Variants in SEL1L3 observed in about 807,000 individuals in gnomAD.
The protein encoded by SEL1L3 is SEL1L family member 3.
SEL1L3 carries 76 observed loss-of-function variants against 142.8 expected under a neutral mutation model. The observed-to-expected ratio is 0.53, with a 90% confidence interval of 0.44 to 0.64. The LOEUF (loss-of-function observed/expected upper bound fraction) is 0.64. SEL1L3 is among the 30% of genes least tolerant of loss of function. SEL1L3 has a pLI of 0.00. For synonymous variants in SEL1L3, 504 were observed against 519.6 expected (o/e 0.97, Z 0.41); for missense variants, 1,262 against 1,381.7 (o/e 0.91, Z 1.37).
chr4:25,766,153 TATCG>T lies in SEL1L3; in HGVS notation c.2846-722_2846-719del, dbSNP rs1159116635. Among the ~76,000 whole-genome samples the T allele has an allele frequency of 1.7e-4, 26 of 152,336 alleles. No homozygotes were observed. In the East Asian group the frequency reaches 4.8e-3, roughly 28 times the overall value. The stretch of plus-strand genomic sequence containing the variant: ...AAAAACTTGTGTTTAAGAGTATATG[TATCG>T]GCTGAGTGCCGTAGCTCACACCTGT... On this transcript the variant is annotated intron_variant, in intron 19 of 23. Transcript: ENST00000399878.
chr4:25,714,880 A>C, the SEL1L3 span, among the ~76,000 whole-genome samples: 4 of 152,242 alleles, frequency 2.6e-5, no homozygotes, highest in African/African-American at 9.6e-5. Context: ...CCAAGAATGC[A>C]AAATATTACA....
chr4:25,862,556 GAAGA>G (rs1560369202), intron 1 of SEL1L3, 115 bp downstream of exon 1: 4 of 475,222 alleles, frequency 8.4e-6, no homozygotes, highest in Non-Finnish European at 1.3e-5. Context: ...CAGCGACGAG[GAAGA>G]GAGAAAACTA....
chr4:25,827,854 C>CTTTTTTTTTTTTTTTTTTTTTT, intron 6 of SEL1L3, among the ~76,000 whole-genome samples: 1 of 152,162 alleles, frequency 6.6e-6, no homozygotes, highest in Admixed American at 6.5e-5. Context: ...AGAGGAAGCT[C>CTTTTTTTTTTTTTTTTTTTTTT]TTATTTTAAA....
chr4:25,734,942 A>C, the SEL1L3 span, among the ~76,000 whole-genome samples: 3 of 152,068 alleles, frequency 2.0e-5, no homozygotes, highest in Admixed American at 2.0e-4. Flanking sequence ...TCTGATTTTG[A>C]CATTAAGGTA....
chr4:25,838,212 C>T (rs2109294839), intron 2 of SEL1L3, among the ~76,000 whole-genome samples: 1 of 152,298 alleles, frequency 6.6e-6, no homozygotes, highest in African/African-American at 2.4e-5. Context: ...CCTTTCCCCA[C>T]ATTCATTTCT....
At chr4:25,839,687 T>C (rs1232536871) in intron 2 of SEL1L3, among the ~76,000 whole-genome samples, 1 of 152,256 alleles carries the variant, frequency 6.6e-6, no homozygotes. Flanking sequence ...AATTTACTTC[T>C]GGGAAAAGGA....
chr4:25,862,493 G>A (rs138583746), intron 1 of SEL1L3, among the ~76,000 whole-genome samples, 182 bp downstream of exon 1: 390 of 152,232 alleles, frequency 2.6e-3, no homozygotes, highest in Admixed American at 7.0e-3. Flanking sequence ...CGGTCCAAGC[G>A]CCCCTCTCCA....
chr4:25,779,079 A>G lies in SEL1L3; in HGVS notation c.2582T>C (p.Val861Ala). Residue 861 changes from valine (V) to alanine (A), a missense_variant, in exon 16 of 24, where the codon GTT becomes GCT. Val to Ala is a moderately conservative substitution (Grantham distance 64). Transcript: ENST00000399878. ...ETFPRDPEKA[V>A]VWAKHVAEKN... ...GCAACGTTTGACAGAGTCTTACACAACAGCTTTCTCAGGATCTCTAGGGAA... is the reference window on the plus strand; with the variant it reads ...GCAACGTTTGACAGAGTCTTACACAGCAGCTTTCTCAGGATCTCTAGGGAA... The G allele has an allele frequency of 1.2e-6, 2 of 1,613,514 alleles. No individual in the cohort carries two copies. Among genetic ancestry groups the G allele is most frequent in the Non-Finnish European group, 1.7e-6 (2 of 1,179,568 alleles).
intron 20 of SEL1L3, 137 bp downstream of exon 20, chr4:25,765,189 T>C: frequency 6.3e-6 from 4 of 636,034 alleles, no homozygotes. Flanking sequence ...AGATGGGGTT[T>C]CGCCATGTTG....
At chr4:25,748,674 G>T in intron 23 of SEL1L3, 110 bp from the exon 24 acceptor site, 1 of 1,148,956 alleles carries the variant, frequency 8.7e-7, no homozygotes, top group Non-Finnish European at 1.2e-6. Flanking sequence ...CTAGTCTAAT[G>T]AACCTGACAC....
the SEL1L3 span, among the ~76,000 whole-genome samples, chr4:25,740,661 T>C: frequency 1.3e-5 from 2 of 152,186 alleles, no homozygotes; most frequent in African/African-American, 2.4e-5. Context: ...TTCTGACCCC[T>C]AAATGCTTTA....
intron 9 of SEL1L3, among the ~76,000 whole-genome samples, chr4:25,812,635 C>A (rs946165495): frequency 1.3e-5 from 2 of 151,542 alleles, no homozygotes; most frequent in Non-Finnish European, 2.9e-5. Context: ...TAGCTTGAAC[C>A]CGGGAGGCAG....
the SEL1L3 span, among the ~76,000 whole-genome samples, chr4:25,727,068 T>G: frequency 8.0e-6 from 1 of 124,654 alleles, no homozygotes; most frequent in Non-Finnish European, 1.7e-5. Context: ...TCTTTTTTTT[T>G]TTGAGACGGA....
chr4:25,849,095 C>T (rs1716723785), intron 1 of SEL1L3, among the ~76,000 whole-genome samples: 1 of 152,190 alleles, frequency 6.6e-6, no homozygotes, highest in Non-Finnish European at 1.5e-5. Flanking sequence ...GCCAAGATCA[C>T]ACCACTGCAC....
intron 9 of SEL1L3, among the ~76,000 whole-genome samples, chr4:25,813,532 G>A (rs1488034285): frequency 1.3e-5 from 2 of 152,164 alleles, no homozygotes; most frequent in African/African-American, 4.8e-5. Context: ...GAAATAAAAA[G>A]CAGGATGACG....
intron 1 of SEL1L3, among the ~76,000 whole-genome samples, chr4:25,851,524 T>C (rs1455345968): frequency 6.6e-6 from 1 of 152,128 alleles, no homozygotes; most frequent in African/African-American, 2.4e-5. Context: ...GCACTGTATA[T>C]CCTTCCCTAA....
intron 5 of SEL1L3, among the ~76,000 whole-genome samples, chr4:25,830,887 G>A (rs1715397540): frequency 6.6e-6 from 1 of 152,296 alleles, no homozygotes; most frequent in East Asian, 1.9e-4. Context: ...CACGCCAGTT[G>A]TTTGCCTAAA....
Position 25,788,398 on chromosome 4 carries a change from T to G in SEL1L3, c.2077-34A>C. The G allele has an allele frequency of 3.1e-6, 5 of 1,610,880 alleles. No individual in the cohort carries two copies. The highest frequency in any genetic ancestry group is 4.2e-6 in the Non-Finnish European group (5 of 1,178,494). On this transcript the variant is annotated intron_variant, in intron 12 of 23. Coordinates refer to ENST00000399878, the MANE Select transcript of SEL1L3 (RefSeq NM_015187.5). The surrounding 1 kb of genome is among the most constrained non-coding windows in gnomAD (Gnocchi z 5.3). ...TAATAGCAATTTAGAACAATGACTT[T>G]TCCTGTATAATGCTTAACACAAGAT...
Position 25,748,544 on chromosome 4 carries a change from G to A in SEL1L3, c.3280C>T (p.Pro1094Ser). Residue 1094 changes from proline (P) to serine (S), a missense_variant, in exon 24 of 24, where the codon CCA (proline) becomes TCA (serine). Physicochemically the swap from Pro to Ser is moderately conservative, Grantham distance 74. Transcript: ENST00000399878. ...GCAGTGTCTGGGGAGGCCTGGGATG[G>A]TCTTGGAGGGGGATCGCTTGCTGCA... ...SVSASDPPPR[P>S]SQASPDTATS... The A allele has an allele frequency of 6.2e-7, 1 of 1,611,324 alleles. No individual in the cohort carries two copies. Among genetic ancestry groups the A allele is most frequent in the Non-Finnish European group, 8.5e-7 (1 of 1,178,982 alleles).
Sources: allele counts gnomAD v4.1 joint callset (sites outside exome capture counted in the v4.1 genomes callset), GRCh38; gene constraint gnomAD v4.1.1; non-coding constraint Gnocchi (gnomAD v3.1); transcripts MANE v1.5; gene names NCBI Gene and HGNC (gene_info 2026-07-23, HGNC 2026-07-21).